Variants in MIA2 observed in about 807,000 individuals in gnomAD.
MIA2 encodes MIA SH3 domain ER export factor 2.
Under a neutral mutation model 167.8 loss-of-function variants are expected in MIA2, and 127 were observed. The ratio of observed to expected loss-of-function variants is 0.76; its 90% confidence interval spans 0.66 to 0.88. The LOEUF is 0.88. MIA2 is among the 40% of genes least tolerant of loss of function. The pLI, the probability that MIA2 is intolerant of heterozygous loss-of-function variation, is 0.00. For synonymous variants in MIA2, 552 were observed against 541.9 expected (o/e 1.02, Z -0.26); for missense variants, 1,690 against 1,624.7 (o/e 1.04, Z -0.69).
intron 6 of MIA2, among the ~76,000 whole-genome samples, chr14:39,261,472 C>T (rs920881891): frequency 6.6e-6 from 1 of 152,136 alleles, no homozygotes; most frequent in Non-Finnish European, 1.5e-5. Flanking sequence ...GCCTTTATAG[C>T]AGCATGATTT....
intron 24 of MIA2, among the ~76,000 whole-genome samples, chr14:39,326,163 G>A (rs565639115): frequency 5.3e-4 from 80 of 152,306 alleles, no homozygotes; most frequent in African/African-American, 1.8e-3. Context: ...CAACAGTGCT[G>A]TTGTTTTTGA....
intron 18 of MIA2, among the ~76,000 whole-genome samples, chr14:39,310,918 A>G (rs564947671): frequency 1.1e-4 from 16 of 152,228 alleles, no homozygotes; most frequent in Admixed American, 1.0e-3. Context: ...TTCAGCCAGT[A>G]TACCTAGGAG....
intron 8 of MIA2, 30 bp downstream of exon 8, chr14:39,279,388 T>C (rs771122819): frequency 1.2e-6 from 2 of 1,605,080 alleles, no homozygotes; most frequent in African/African-American, 1.4e-5. Flanking sequence ...TTGACTCTCA[T>C]TGTTGTGTTG....
chr14:39,306,984 A>AT (rs1242292594), intron 17 of MIA2, among the ~76,000 whole-genome samples: 4 of 152,252 alleles, frequency 2.6e-5, no homozygotes, highest in Admixed American at 6.5e-5. Flanking sequence ...TATTTTATAG[A>AT]TTTTTTTAAA....
chr14:39,386,070 C>G lies in MIA2; in HGVS notation c.2249-815C>G, dbSNP rs566439601. 11 of 1,267,998 alleles carry G rather than the reference C, an allele frequency of 8.7e-6. No individual in the cohort carries two copies. In the African/African-American group the frequency reaches 1.6e-4, roughly 19 times the overall value. 78.5% of individuals were successfully genotyped at this position (1,267,998 alleles called of 1,614,324 possible). A position where few individuals can be genotyped will look rare whatever the true frequency, so the allele number is the denominator to read the frequency against. ...CTCTTCTTGCAAAAAGGCCTACTGT[C>G]TTTAAGAAACCCGCAGCACACTCCA... On this transcript the variant is annotated intron_variant, in intron 23 of 23. Transcript: ENST00000341502.
chr14:39,321,157 C>T (rs956326555), intron 24 of MIA2, 101 bp downstream of exon 24: 2 of 1,162,042 alleles, frequency 1.7e-6, no homozygotes, highest in African/African-American at 1.6e-5. Flanking sequence ...TTGGAAAATA[C>T]AGGCATTCCT....
chr14:39,296,494 A>G (rs1449907446), intron 13 of MIA2, among the ~76,000 whole-genome samples: 1 of 151,220 alleles, frequency 6.6e-6, no homozygotes, highest in Non-Finnish European at 1.5e-5. Context: ...GAAATTACAG[A>G]TCATTACACA....
intron 20 of MIA2, 152 bp from the exon 21 acceptor site, chr14:39,315,531 T>C: frequency 1.7e-6 from 1 of 585,994 alleles, no homozygotes; most frequent in Non-Finnish European, 3.1e-6. Flanking sequence ...ATAGATTATG[T>C]ATACATGAAA....
chr14:39,247,543 G>C lies in MIA2; in HGVS notation c.969G>C (p.Glu323Asp). 3 of 1,613,970 alleles carry C rather than the reference G, an allele frequency of 1.9e-6. No individual in the cohort carries two copies. Among genetic ancestry groups the C allele is most frequent in the Non-Finnish European group, 2.5e-6 (3 of 1,179,984 alleles). ...GFTSYLGFGD[E>D]DTGLELIAEE... Reference sequence around the variant, plus strand: ...CAAGTTATTTAGGTTTTGGAGATGAGGATACAGGGCTTGAATTAATAGCTG... The same window carrying C: ...CAAGTTATTTAGGTTTTGGAGATGACGATACAGGGCTTGAATTAATAGCTG... The change falls in exon 4 of 29, where the codon GAG becomes GAC. Residue 323 changes from glutamate (E) to aspartate (D), a missense_variant. By Grantham distance (45) the Glu-to-Asp change is conservative (BLOSUM62 2). Transcript: ENST00000640607.
At chr14:39,283,936 G>A (rs1426741073) in intron 9 of MIA2, among the ~76,000 whole-genome samples, 1 of 151,966 alleles carries the variant, frequency 6.6e-6, no homozygotes, top group Admixed American at 6.6e-5. Flanking sequence ...TTCTCAATCT[G>A]TAGGTTGCCT....
chr14:39,357,106 T>C (rs1314337503), intron 23 of MIA2, among the ~76,000 whole-genome samples: 3 of 152,222 alleles, frequency 2.0e-5, no homozygotes, highest in African/African-American at 7.2e-5. Context: ...CTGGATATCC[T>C]TGTTAACTTT....
rs766406484 is a variant in MIA2 at position 39,247,588 on chromosome 14, A to G, written c.1014A>G (p.Leu338=). ...TAGCTGAAGAAAGCAATCCACCACT[A>G]CAAGATTTTCCCAATTCCATATCAT... The part of the protein sequence containing the change: ...ELIAEESNPP[L]QDFPNSISSD... The change falls in exon 4 of 29, where the codon CTA becomes CTG. Residue 338 remains leucine (L), a synonymous_variant. Coordinates refer to ENST00000640607, the MANE Select transcript of MIA2 (RefSeq NM_001329214.4). 2 of 1,614,072 alleles carry G rather than the reference A, an allele frequency of 1.2e-6. No individual in the cohort carries two copies. The highest frequency in any genetic ancestry group is 8.5e-7 in the Non-Finnish European group (1 of 1,180,010).
chr14:39,381,942 GTTAATC>G (rs1355577595), intron 23 of MIA2, among the ~76,000 whole-genome samples: 1 of 152,178 alleles, frequency 6.6e-6, no homozygotes, highest in Non-Finnish European at 1.5e-5. Context: ...CTAGCTGGTT[GTTAATC>G]TTAACCTTTA....
intron 25 of MIA2, among the ~76,000 whole-genome samples, chr14:39,331,009 T>A (rs1361153804): frequency 2.6e-5 from 4 of 151,900 alleles, no homozygotes; most frequent in African/African-American, 9.7e-5. Context: ...AAGTCCTGAA[T>A]ATTGTTAATT....
rs962023998 is a variant in MIA2 at position 39,315,796 on chromosome 14, G to C, written c.3216+78G>C. On this transcript the variant is annotated intron_variant, in intron 21 of 28. Coordinates refer to ENST00000640607, the MANE Select transcript of MIA2 (RefSeq NM_001329214.4). The stretch of plus-strand genomic sequence containing the variant: ...GAAGATACGTTGTTTATTTAAATTA[G>C]ATGAAAATAAATATAGTATTCTAAA... The C allele has an allele frequency of 5.2e-6, 5 of 967,466 alleles. No individual in the cohort carries two copies. The Admixed American group carries it at 1.3e-4, about 24-fold the overall frequency. The allele number at this position is 967,466 out of a possible 1,614,324, so 59.9% of individuals were successfully genotyped here. A position where few individuals can be genotyped will look rare whatever the true frequency, so the allele number is the denominator to read the frequency against.
intron 25 of MIA2, among the ~76,000 whole-genome samples, chr14:39,327,436 T>G (rs1407600909): frequency 2.0e-5 from 3 of 152,236 alleles, no homozygotes; most frequent in Non-Finnish European, 2.9e-5. Flanking sequence ...TTTTAATCAC[T>G]CTGTGCAGTT....
At chr14:39,243,284 A>G (rs185013017) in intron 3 of MIA2, among the ~76,000 whole-genome samples, 1 of 152,214 alleles carries the variant, frequency 6.6e-6, no homozygotes, top group East Asian at 1.9e-4. Context: ...GAGAGGCAAG[A>G]CGATTTGGGC....
Position 39,306,916 on chromosome 14 carries a change from T to TA in MIA2, c.2879-1526dup, listed in dbSNP as rs549645107. ...TATGTTAGAAGAGAAACGAGGTTTT[T>TA]AAAAAAATTGATGCATAAATTATAA... On this transcript the variant is annotated intron_variant, in intron 17 of 28. Transcript: ENST00000640607. 1.2e-4 allele frequency among the ~76,000 whole-genome samples: 19 copies of TA among 152,296 alleles called. 1 individual carries two copies. The South Asian group carries it at 3.1e-3, about 25-fold the overall frequency.
At chr14:39,338,712 G>A (rs1466059345) in intron 25 of MIA2, among the ~76,000 whole-genome samples, 9 of 152,078 alleles carry the variant, frequency 5.9e-5, no homozygotes, top group African/African-American at 1.7e-4. Flanking sequence ...CTTGCTCAGC[G>A]CTTCAGTTGT....
Sources: gnomAD v4.1 joint callset for allele counts (sites outside exome capture counted in the v4.1 genomes callset) on GRCh38, gnomAD v4.1.1 for gene constraint, MANE v1.5 for transcripts, NCBI Gene and HGNC (gene_info 2026-07-23, HGNC 2026-07-21) for gene names.